The following BMPR2 variants were observed in gnomAD, a reference collection of about 807,000 sequenced individuals.
BMPR2 encodes the protein bone morphogenetic protein receptor type-2.
BMPR2 carries 29 observed loss-of-function variants against 100.8 expected under a neutral mutation model. The observed-to-expected ratio is 0.29, with a 90% CI of 0.21 to 0.39. The LOEUF (loss-of-function observed/expected upper bound fraction) is 0.39, where lower values mean the gene tolerates loss of function less well. BMPR2 is among the 10% of genes least tolerant of loss of function. The probability of loss-of-function intolerance (pLI) is 1.00; values close to 1 mark genes in which losing one functional copy is unlikely to be tolerated. For missense variants in BMPR2, 1,011 were observed against 1,274.5 expected, an observed-to-expected ratio of 0.79 and a Z score of 3.15; for synonymous variants, 382 against 442.3, an observed-to-expected ratio of 0.86 and a Z score of 1.71.
chr2:202,472,726 T>A (rs948989061), intron 3 of BMPR2, among the ~76,000 whole-genome samples: 1 of 152,228 alleles, frequency 6.6e-6, no homozygotes, highest in African/African-American at 2.4e-5. Flanking sequence ...CTGCCTTACA[T>A]TTCAGATTGT....
chr2:202,555,991 A>C lies in BMPR2; in HGVS notation c.2326A>C (p.Lys776Gln). The part of the protein sequence containing the change: ...TKEPRLKFGS[K>Q]HKSNLKQVET... ...AGAGCCCCGGCTAAAATTTGGCAGCAAGCACAAATCAAACTTGAAACAAGT... is the reference window on the plus strand; with the variant it reads ...AGAGCCCCGGCTAAAATTTGGCAGCCAGCACAAATCAAACTTGAAACAAGT... The change falls in exon 12 of 13, where the codon AAG (lysine) becomes CAG (glutamine). Residue 776 changes from lysine to glutamine, a missense_variant. Physicochemically the swap from Lys to Gln is moderately conservative, Grantham distance 53. This residue lies in a region of BMPR2 where 508 missense variants were observed against 552.0 expected (regional missense o/e 0.92). Transcript: ENST00000374580. 6.2e-7 allele frequency: 1 copy of C among 1,614,172 alleles called. No homozygotes were observed. Among genetic ancestry groups the C allele is most frequent in the African/African-American group, 1.3e-5 (1 of 75,052 alleles).
intron 1 of BMPR2, among the ~76,000 whole-genome samples, chr2:202,408,858 G>C (rs1690953428): frequency 6.6e-6 from 1 of 152,116 alleles, no homozygotes. Flanking sequence ...TTTAAAATTT[G>C]TTTTTATCTG....
chr2:202,549,713 A>G (rs554492006), intron 10 of BMPR2, among the ~76,000 whole-genome samples: 1 of 149,928 alleles, frequency 6.7e-6, no homozygotes, highest in South Asian at 2.1e-4. Flanking sequence ...CACCACTGCA[A>G]TCCAGCCTGG....
intron 9 of BMPR2, among the ~76,000 whole-genome samples, chr2:202,536,153 C>T (rs1201040001): frequency 6.6e-6 from 1 of 152,132 alleles, no homozygotes; most frequent in African/African-American, 2.4e-5. Flanking sequence ...CACTCTGTCA[C>T]CTAGGCTGGA....
At chr2:202,547,503 C>G (rs894239456) in intron 10 of BMPR2, among the ~76,000 whole-genome samples, 1 of 152,170 alleles carries the variant, frequency 6.6e-6, no homozygotes, top group Non-Finnish European at 1.5e-5. Context: ...GGCAACTTAG[C>G]CAGGCACGGT....
chr2:202,522,525 T>C (rs905993316), intron 7 of BMPR2, among the ~76,000 whole-genome samples: 1 of 143,386 alleles, frequency 7.0e-6, no homozygotes, highest in Non-Finnish European at 1.5e-5. Context: ...AAAAAAGAAA[T>C]TCTTGTCCAT....
At position 202,553,835 on chromosome 2, in the gene BMPR2, C is replaced by T. The variant is rs916322985; in HGVS notation, c.1586+947C>T. 5.9e-5 allele frequency among the ~76,000 whole-genome samples: 9 copies of T among 152,136 alleles called. No individual in the cohort carries two copies. In the South Asian group the frequency reaches 6.2e-4, roughly 11 times the overall value. ...TCCCGAGTAGCTGAGATTACAGTCACGAGCCACCACGCCCAGCTAATTTTG... is the reference window on the plus strand; with the variant it reads ...TCCCGAGTAGCTGAGATTACAGTCATGAGCCACCACGCCCAGCTAATTTTG... On this transcript the variant is annotated intron_variant, in intron 11 of 12. Transcript: ENST00000374580.
chr2:202,544,958 C>A (rs1034592723), intron 10 of BMPR2, among the ~76,000 whole-genome samples: 6 of 151,284 alleles, frequency 4.0e-5, no homozygotes, highest in Non-Finnish European at 1.5e-5. Flanking sequence ...GACAGGGTCT[C>A]GCTTTGTTTC....
intron 1 of BMPR2, among the ~76,000 whole-genome samples, chr2:202,392,008 C>T (rs192991091): frequency 1.7e-3 from 260 of 152,106 alleles, no homozygotes; most frequent in Middle Eastern, 6.9e-3. Context: ...GATCTGCCCA[C>T]CTTGGCCTCC....
chr2:202,525,337 A>C (rs1428918239), intron 7 of BMPR2, among the ~76,000 whole-genome samples: 1 of 151,484 alleles, frequency 6.6e-6, no homozygotes, highest in Non-Finnish European at 1.5e-5. Flanking sequence ...TCAGTCTCCC[A>C]AGCATTACAG....
chr2:202,534,954 A>C (rs1435784485), intron 9 of BMPR2, among the ~76,000 whole-genome samples: 1 of 46,588 alleles, frequency 2.1e-5, no homozygotes. Flanking sequence ...CGGGGGGCTG[A>C]CCCCCCCCAC....
chr2:202,464,708 T>G (rs543261516), intron 1 of BMPR2, 101 bp from the exon 2 acceptor site: 133 of 1,107,516 alleles, frequency 1.2e-4, no homozygotes, highest in Admixed American at 1.8e-4. Context: ...TCAAATAATT[T>G]AGTAGGGAAA....
intron 1 of BMPR2, among the ~76,000 whole-genome samples, chr2:202,456,890 A>G (rs760571961): frequency 1.4e-4 from 22 of 152,176 alleles, no homozygotes; most frequent in Non-Finnish European, 2.9e-4. Flanking sequence ...TTGCATGTAA[A>G]CTATACAGTA....
intron 1 of BMPR2, among the ~76,000 whole-genome samples, chr2:202,378,834 C>CATGT (rs1466291822): frequency 5.9e-5 from 9 of 151,958 alleles, no homozygotes; most frequent in Non-Finnish European, 1.3e-4. Flanking sequence ...AGCCATAAGC[C>CATGT]ATGTGGTTCC....
intron 1 of BMPR2, among the ~76,000 whole-genome samples, chr2:202,458,248 A>G (rs1419652305): frequency 1.5e-5 from 2 of 135,848 alleles, no homozygotes; most frequent in Non-Finnish European, 3.1e-5. Flanking sequence ...GGAGTTTGTG[A>G]CCAGCCTGGG....
intron 1 of BMPR2, among the ~76,000 whole-genome samples, chr2:202,407,204 A>G (rs1690917364): frequency 6.6e-6 from 1 of 151,854 alleles, no homozygotes; most frequent in South Asian, 2.1e-4. Context: ...TGGCCTCCCA[A>G]AGTGCTGGGA....
At position 202,506,468 on chromosome 2, in the gene BMPR2, T is replaced by C. The variant is rs534153611; in HGVS notation, c.419-7251T>C. ...ACCATGCCTGGCCTTTTGTTTTGTT[T>C]TGTTTTGTTTTTTTATAAGGGCCCA... On this transcript the variant is annotated intron_variant, in intron 3 of 12. Coordinates refer to ENST00000374580, the MANE Select transcript of BMPR2 (RefSeq NM_001204.7). Among the ~76,000 whole-genome samples the C allele has an allele frequency of 2.4e-4, 37 of 152,280 alleles. 1 individual carries two copies. The South Asian group carries it at 7.5e-3, about 31-fold the overall frequency.
chr2:202,406,143 C>T (rs1362058622), intron 1 of BMPR2, among the ~76,000 whole-genome samples: 1 of 152,158 alleles, frequency 6.6e-6, no homozygotes, highest in Non-Finnish European at 1.5e-5. Flanking sequence ...CTATCTCTAC[C>T]TTTACTTTTA....
At chr2:202,448,463 T>TAAA (rs1326837701) in intron 1 of BMPR2, among the ~76,000 whole-genome samples, 3 of 139,052 alleles carry the variant, frequency 2.2e-5, no homozygotes, top group African/African-American at 7.9e-5. Flanking sequence ...AAAATAAAAA[T>TAAA]AAAAAATAAA....
Sources: gnomAD v4.1 joint callset for allele counts (sites outside exome capture counted in the v4.1 genomes callset) on GRCh38, gnomAD v4.1.1 for gene constraint, gnomAD v4.1.1 regional missense constraint, MANE v1.5 for transcripts, NCBI Gene and HGNC (gene_info 2026-07-23, HGNC 2026-07-21) for gene names.